Variants in DOCK10 observed in about 807,000 individuals in gnomAD.
DOCK10 encodes dedicator of cytokinesis 10, also known as dedicator of cytokinesis protein 10.
In DOCK10, 145 loss-of-function variants were observed where a neutral mutation model predicts 280.1. The ratio of observed to expected loss-of-function variants is 0.52; its 90% CI spans 0.45 to 0.59. DOCK10 has a LOEUF of 0.59. DOCK10 is among the 20% of genes least tolerant of loss of function. The probability of loss-of-function intolerance (pLI) is 0.00; values close to 1 mark genes in which losing one functional copy is unlikely to be tolerated. For synonymous variants in DOCK10, 915 were observed against 942.2 expected (o/e 0.97, Z 0.53); for missense variants, 2,368 against 2,651.7 (o/e 0.89, Z 2.35).
chr2:225,028,244 G>A lies in DOCK10; in HGVS notation c.123+14008C>T, dbSNP rs565079819. Among the ~76,000 whole-genome samples the A allele has an allele frequency of 2.6e-4, 39 of 152,214 alleles. 1 individual carries two copies. In the South Asian group the frequency reaches 7.9e-3, roughly 31 times the overall value. On this transcript the variant is annotated intron_variant, in intron 1 of 55. Transcript: ENST00000258390. ...AAGCAGAAGCGTGGGTCCGAGGGGC[G>A]CAACATGTGAAGAACTTGAGCCATC... is the stretch of plus-strand genomic sequence containing the variant.
chr2:224,803,771 A>G (rs988024719), intron 39 of DOCK10, among the ~76,000 whole-genome samples: 4 of 152,164 alleles, frequency 2.6e-5, no homozygotes, highest in Non-Finnish European at 5.9e-5. Flanking sequence ...GCTAGCATTA[A>G]AAGAGGCATT....
chr2:224,973,923 G>A (rs906401399), intron 1 of DOCK10, among the ~76,000 whole-genome samples: 18 of 152,048 alleles, frequency 1.2e-4, no homozygotes, highest in Non-Finnish European at 1.6e-4. Context: ...GTGGTTTCTG[G>A]GTACAGAGGT....
chr2:224,900,905 A>T (rs1488983754), intron 3 of DOCK10, among the ~76,000 whole-genome samples: 2 of 152,190 alleles, frequency 1.3e-5, no homozygotes, highest in Admixed American at 6.5e-5. Context: ...TCTGATTATC[A>T]AAGGGTTCTG....
chr2:224,788,978 G>A (rs1049613461), intron 48 of DOCK10, 86 bp downstream of exon 48: 2 of 780,132 alleles, frequency 2.6e-6, no homozygotes, highest in African/African-American at 3.5e-5. Context: ...ATAGCTGTAA[G>A]CTTGTTTCCC....
intron 50 of DOCK10, among the ~76,000 whole-genome samples, chr2:224,783,322 T>C (rs1028576548): frequency 2.0e-5 from 3 of 151,376 alleles, no homozygotes; most frequent in African/African-American, 7.3e-5. Context: ...TCTCCCAGGC[T>C]GGAGTGCAGT....
At position 224,775,028 on chromosome 2, in the gene DOCK10, G is replaced by C; in HGVS notation, c.5890C>G (p.Arg1964Gly). 1 of 1,613,986 alleles carries C rather than the reference G, an allele frequency of 6.2e-7. No homozygotes were observed. Among genetic ancestry groups the C allele is most frequent in the Non-Finnish European group, 8.5e-7 (1 of 1,179,882 alleles). ...TGGTGCATTTCGAAATCTGTCTTCC[G>C]GTCTTCGATTTCCTTTTCCTCAAAG... ...PFFEEKEIED[R>G]KTDFEMHHNI... Residue 1964 changes from arginine to glycine, a missense_variant, in exon 52 of 56, where the codon CGG becomes GGG. By Grantham distance (125) the Arg-to-Gly change is moderately radical. Transcript: ENST00000258390.
chr2:224,892,609 C>A lies in DOCK10; in HGVS notation c.416+3686G>T, dbSNP rs557106169. Among the ~76,000 whole-genome samples the A allele has an allele frequency of 7.9e-5, 12 of 152,140 alleles. No individual in the cohort carries two copies. The South Asian group carries it at 1.5e-3, about 18-fold the overall frequency. On this transcript the variant is annotated intron_variant, in intron 4 of 55. Transcript: ENST00000258390. ...GTTGTGTGATGACCTAGGAGAAAAT[C>A]CCCTGGCAGAGGGAGCTGCAAGAGT...
At chr2:224,998,153 C>T (rs1414521372) in intron 1 of DOCK10, among the ~76,000 whole-genome samples, 3 of 152,122 alleles carry the variant, frequency 2.0e-5, no homozygotes, top group African/African-American at 7.2e-5. Flanking sequence ...TCTCATGGTG[C>T]CCTGGGATTC....
chr2:225,035,486 C>A (rs1690196535), intron 1 of DOCK10, among the ~76,000 whole-genome samples: 1 of 132,976 alleles, frequency 7.5e-6, no homozygotes, highest in South Asian at 2.4e-4. Flanking sequence ...TTTTTAAATC[C>A]CTAAGGGTTT....
intron 1 of DOCK10, among the ~76,000 whole-genome samples, chr2:225,021,308 A>G (rs77303881): frequency 0.071 from 10,807 of 152,224 alleles, 737 homozygotes; most frequent in East Asian, 0.19. Context: ...ACAGTGGGAA[A>G]ATAATCAGTT....
At chr2:224,808,648 G>A (rs1008228753) in intron 31 of DOCK10, among the ~76,000 whole-genome samples, 1 of 152,070 alleles carries the variant, frequency 6.6e-6, no homozygotes, top group African/African-American at 2.4e-5. Flanking sequence ...AGAGAATTAG[G>A]CTTGAGAGGC....
chr2:224,887,856 G>A (rs1037783849), intron 4 of DOCK10, among the ~76,000 whole-genome samples: 1 of 152,088 alleles, frequency 6.6e-6, no homozygotes, highest in Non-Finnish European at 1.5e-5. Flanking sequence ...ACTAACTTTA[G>A]TCCTCTTGTT....
intron 1 of DOCK10, among the ~76,000 whole-genome samples, chr2:225,009,347 TAAG>T (rs906184710): frequency 6.6e-6 from 1 of 152,078 alleles, no homozygotes; most frequent in Non-Finnish European, 1.5e-5. Flanking sequence ...AGTAAAACCT[TAAG>T]AAGGGAAGCT....
chr2:224,946,951 T>C, intron 1 of DOCK10: 1 of 1,541,176 alleles, frequency 6.5e-7, no homozygotes, highest in Non-Finnish European at 8.7e-7. Context: ...CGAAAACTCA[T>C]CGTATTGCTA....
At chr2:224,961,416 T>G (rs572510393) in intron 1 of DOCK10, among the ~76,000 whole-genome samples, 1 of 88,970 alleles carries the variant, frequency 1.1e-5, no homozygotes, top group Non-Finnish European at 2.4e-5. Context: ...TTCTTTCTCT[T>G]TCTTTCTTTC....
chr2:224,911,784 G>A (rs1262818459), intron 3 of DOCK10, among the ~76,000 whole-genome samples: 2 of 152,130 alleles, frequency 1.3e-5, no homozygotes, highest in African/African-American at 4.8e-5. Context: ...CCCCCAAAGA[G>A]AGCAAAAGGA....
intron 7 of DOCK10, among the ~76,000 whole-genome samples, chr2:224,880,438 T>C (rs1421220315): frequency 6.6e-6 from 1 of 152,170 alleles, no homozygotes. Flanking sequence ...CAATGGGATA[T>C]TTCAATAGGA....
chr2:224,886,452 T>C lies in DOCK10; in HGVS notation c.489+7A>G. On this transcript the variant is annotated splice_region_variant and intron_variant, in intron 5 of 55. Coordinates refer to ENST00000258390, the MANE Select transcript of DOCK10 (RefSeq NM_014689.3). ...TTTAAACATCTCACTTTCAACTATT[T>C]ACTTACTTCATCCTTATCAGCATCT... 6.2e-7 allele frequency: 1 copy of C among 1,606,890 alleles called. No homozygotes were observed.
At chr2:225,003,592 T>G (rs1435998836) in intron 1 of DOCK10, among the ~76,000 whole-genome samples, 1 of 152,196 alleles carries the variant, frequency 6.6e-6, no homozygotes, top group Non-Finnish European at 1.5e-5. Flanking sequence ...AAAAGGCAAA[T>G]CTAAAACACA....
Sources: allele counts gnomAD v4.1 joint callset (sites outside exome capture counted in the v4.1 genomes callset), GRCh38; gene constraint gnomAD v4.1.1; transcripts MANE v1.5; gene names NCBI Gene and HGNC (gene_info 2026-07-23, HGNC 2026-07-21).